The following AMD1 variants were observed in gnomAD, a reference collection of about 807,000 sequenced individuals.
AMD1 encodes S-adenosylmethionine decarboxylase proenzyme.
In AMD1, 11 loss-of-function variants were observed where a neutral mutation model predicts 40.2. The observed-to-expected ratio is 0.27, with a 90% CI of 0.17 to 0.45. The LOEUF (loss-of-function observed/expected upper bound fraction) is 0.45. Ranked by LOEUF, AMD1 falls within the 20% of genes least tolerant of loss-of-function variation. The pLI is 1.00. For missense variants in AMD1, 257 were observed against 410.2 expected, an observed-to-expected ratio of 0.63 and a Z score of 3.23; for synonymous variants, 121 against 130.8, an observed-to-expected ratio of 0.93 and a Z score of 0.51.
chr6:110,892,241 A>G (rs940292351), intron 5 of AMD1, 38 bp downstream of exon 5: 4 of 1,613,614 alleles, frequency 2.5e-6, no homozygotes, highest in Admixed American at 1.7e-5. Flanking sequence ...TTGTTGTCCT[A>G]TGTAAGATTT....
the AMD1 span, among the ~76,000 whole-genome samples, chr6:110,821,591 G>A: frequency 4.6e-5 from 7 of 152,166 alleles, no homozygotes; most frequent in East Asian, 1.2e-3. Flanking sequence ...TCCAGCCTGG[G>A]AGACGAGCAA....
upstream of AMD1, among the ~76,000 whole-genome samples, chr6:110,874,415 C>T (rs1289795464): frequency 2.0e-5 from 3 of 151,958 alleles, no homozygotes; most frequent in African/African-American, 7.3e-5. Context: ...CCCGCTGAAC[C>T]CCGCCAACAC....
chr6:110,877,320 G>A (rs377744788), intron 1 of AMD1, among the ~76,000 whole-genome samples: 1 of 152,232 alleles, frequency 6.6e-6, no homozygotes. Context: ...AACCTTCGTT[G>A]GAACATTTTT....
the AMD1 span, among the ~76,000 whole-genome samples, chr6:110,866,928 C>T: frequency 6.6e-6 from 1 of 152,086 alleles, no homozygotes; most frequent in Non-Finnish European, 1.5e-5. Flanking sequence ...AGTCTCCTGC[C>T]TCAGCCTCCC....
the AMD1 span, among the ~76,000 whole-genome samples, chr6:110,862,408 G>A: frequency 6.8e-6 from 1 of 146,914 alleles, no homozygotes; most frequent in African/African-American, 2.5e-5. Context: ...ATCCTTGGAA[G>A]TTTCCTTCTA....
At chr6:110,834,870 A>G in the AMD1 span, among the ~76,000 whole-genome samples, 1 of 149,558 alleles carries the variant, frequency 6.7e-6, no homozygotes, top group Non-Finnish European at 1.5e-5. Flanking sequence ...AATCACTTCA[A>G]CCCAGGAGGT....
chr6:110,875,254 G>A, intron 1 of AMD1, 39 bp downstream of exon 1: 1 of 1,511,678 alleles, frequency 6.6e-7, no homozygotes, highest in Non-Finnish European at 9.0e-7. Context: ...CGGGCCTGGG[G>A]GCTGTCGCCG....
At chr6:110,840,423 C>T in the AMD1 span, among the ~76,000 whole-genome samples, 1 of 152,154 alleles carries the variant, frequency 6.6e-6, no homozygotes, top group Non-Finnish European at 1.5e-5. Flanking sequence ...GGGGTTCCAA[C>T]AACCCACTCT....
upstream of AMD1, among the ~76,000 whole-genome samples, chr6:110,871,433 CAG>C (rs1413717727): frequency 1.3e-5 from 2 of 152,122 alleles, no homozygotes; most frequent in Admixed American, 1.3e-4. Context: ...GAAATGAAGA[CAG>C]AGAGAACAAA....
the AMD1 span, among the ~76,000 whole-genome samples, chr6:110,835,021 AT>A: frequency 2.1e-3 from 282 of 131,654 alleles, no homozygotes; most frequent in Middle Eastern, 3.8e-3. Context: ...TGCGGATACT[AT>A]TTTTTTTTTT....
At chr6:110,815,169 G>C in the AMD1 span, 2 of 1,558,406 alleles carry the variant, frequency 1.3e-6, no homozygotes, top group East Asian at 2.6e-5. Flanking sequence ...ACGGGACGCG[G>C]GGGCCGCCGC....
the AMD1 span, among the ~76,000 whole-genome samples, chr6:110,836,538 A>G: frequency 2.0e-5 from 3 of 152,298 alleles, no homozygotes; most frequent in African/African-American, 7.2e-5. Flanking sequence ...TTTCCCAAAC[A>G]TTTCTGATCA....
intron 1 of AMD1, 116 bp from the exon 2 acceptor site, chr6:110,887,389 G>C (rs1209994335): frequency 3.3e-6 from 2 of 602,624 alleles, no homozygotes; most frequent in African/African-American, 1.9e-5. Context: ...ACTAAAAGTT[G>C]GTGTACAATA....
the AMD1 span, chr6:110,848,599 CA>C: frequency 5.5e-6 from 3 of 542,526 alleles, no homozygotes; most frequent in Non-Finnish European, 8.8e-6. Flanking sequence ...AGGAAAGGTG[CA>C]AAAAATAAAT....
chr6:110,815,368 G>A, the AMD1 span: 50 of 383,622 alleles, frequency 1.3e-4, no homozygotes, highest in African/African-American at 3.6e-4. Flanking sequence ...GGCGGCGGCG[G>A]CTCCCGCAGG....
chr6:110,816,726 CT>C, the AMD1 span, among the ~76,000 whole-genome samples: 1 of 152,074 alleles, frequency 6.6e-6, no homozygotes, highest in Non-Finnish European at 1.5e-5. Flanking sequence ...CCTCTCTTAA[CT>C]TGTCTCCACC....
At chr6:110,870,524 G>A (rs1189738484), upstream of AMD1, among the ~76,000 whole-genome samples, 1 of 152,174 alleles carries the variant, frequency 6.6e-6, no homozygotes, top group African/African-American at 2.4e-5. Context: ...GTGGGAGGCT[G>A]AGGTGGGAGG....
chr6:110,845,039 T>A, the AMD1 span, among the ~76,000 whole-genome samples: 1 of 93,216 alleles, frequency 1.1e-5, no homozygotes, highest in Non-Finnish European at 2.4e-5. Flanking sequence ...GCCACAGACC[T>A]TTTTTTTTTT....
Position 110,890,375 on chromosome 6 carries a change from T to C in AMD1, c.427+19T>C, listed in dbSNP as rs759421502. 6 of 1,524,012 alleles carry C rather than the reference T, an allele frequency of 3.9e-6. No homozygotes were observed. The highest frequency in any genetic ancestry group is 2.4e-5 in the South Asian group (2 of 83,606). 94.4% of individuals were successfully genotyped at this position (1,524,012 alleles called of 1,614,324 possible). A position where few individuals can be genotyped will look rare whatever the true frequency, so the allele number is the denominator to read the frequency against. On this transcript the variant is annotated intron_variant, in intron 4 of 8. Coordinates refer to ENST00000368885, the MANE Select transcript of AMD1 (RefSeq NM_001634.6). Reference sequence around the variant, plus strand: ...TTCCCAAGTAAGTTTAAATAAAATATAAACCTGTTGTCTTCTTAAAGATAG... The same window carrying C: ...TTCCCAAGTAAGTTTAAATAAAATACAAACCTGTTGTCTTCTTAAAGATAG...
Sources: allele counts gnomAD v4.1 joint callset (sites outside exome capture counted in the v4.1 genomes callset), GRCh38; gene constraint gnomAD v4.1.1; transcripts MANE v1.5; gene names NCBI Gene and HGNC (gene_info 2026-07-23, HGNC 2026-07-21).